OSBP2: variants seen among roughly 807,000 people sequenced by gnomAD.
The protein encoded by OSBP2 is oxysterol-binding protein 2.
A neutral mutation model predicts 96.0 loss-of-function variants in OSBP2; 66 were observed. The observed-to-expected ratio is 0.69, with a 90% CI of 0.56 to 0.84. The LOEUF (loss-of-function observed/expected upper bound fraction) is 0.84, where lower values mean the gene tolerates loss of function less well. Ranked by LOEUF, OSBP2 falls within the 40% of genes least tolerant of loss-of-function variation. OSBP2 has a pLI of 0.00. For missense variants in OSBP2, 1,038 were observed against 1,222.7 expected (o/e 0.85, Z 2.25); for synonymous variants, 525 against 520.9 (o/e 1.01, Z -0.11).
rs1482683922 is a variant in OSBP2 at position 30,889,536 on chromosome 22, A to G, written c.1523A>G (p.Lys508Arg). The stretch of plus-strand genomic sequence containing the variant: ...GTGCCCAAGGGTTCATCCAAAGTCA[A>G]GAGGCGAGTCCGCATTCCCAACAAG... ...SLVPKGSSKV[K>R]RRVRIPNKPN... is the part of the protein sequence containing the mutation. The change falls in exon 7 of 14, where the codon AAG becomes AGG. Residue 508 changes from lysine (K) to arginine (R), a missense_variant. Lys to Arg is a conservative substitution (Grantham distance 26, BLOSUM62 2). Transcript: ENST00000332585. 1.9e-6 allele frequency: 3 copies of G among 1,613,974 alleles called. No individual in the cohort carries two copies. The Admixed American group carries it at 5.0e-5, about 27-fold the overall frequency.
chr22:30,871,786 C>T lies in OSBP2; in HGVS notation c.1107+1104C>T. On this transcript the variant is annotated intron_variant, in intron 3 of 13. Transcript: ENST00000332585. This position sits in a 1 kb window ranked among gnomAD's most constrained non-coding sequence, Gnocchi z 4.7. ...ATAGAGGCTGGAGCTCACCGCAGGC[C>T]AAGAGCCCAGGCTAAAACCTGGGCA... 6.6e-6 allele frequency among the ~76,000 whole-genome samples: 1 copy of T among 152,334 alleles called. No individual in the cohort carries two copies. Among genetic ancestry groups the T allele is most frequent in the Middle Eastern group, 3.4e-3 (1 of 294 alleles).
At chr22:30,835,875 A>G (rs569269194) in intron 2 of OSBP2, among the ~76,000 whole-genome samples, 1 of 151,874 alleles carries the variant, frequency 6.6e-6, no homozygotes, top group East Asian at 1.9e-4. Flanking sequence ...GTGCCACCAC[A>G]CCTGGCTAAA....
chr22:30,752,486 G>C (rs992666898), intron 2 of OSBP2, among the ~76,000 whole-genome samples: 1 of 151,634 alleles, frequency 6.6e-6, no homozygotes, highest in African/African-American at 2.4e-5. Context: ...TTTTAGTAGA[G>C]ACAAGGTGTT....
At chr22:30,741,418 C>A in intron 2 of OSBP2, 49 bp downstream of exon 2, 1 of 1,477,792 alleles carries the variant, frequency 6.8e-7, no homozygotes, top group South Asian at 1.2e-5. Context: ...TGTCATGAGT[C>A]TGGAGGAAGT....
chr22:30,739,399 C>T (rs937482236), intron 1 of OSBP2, among the ~76,000 whole-genome samples: 3 of 152,222 alleles, frequency 2.0e-5, no homozygotes, highest in Non-Finnish European at 2.9e-5. Flanking sequence ...GATGCCTCTA[C>T]GTCTGCCCCC....
chr22:30,693,980 A>AT, upstream of OSBP2: 4 of 1,324,990 alleles, frequency 3.0e-6, no homozygotes, highest in Non-Finnish European at 4.2e-6. Context: ...GGAAAAAAAA[A>AT]AAAAGCGGAA....
chr22:30,861,650 AGAG>A, intron 2 of OSBP2, among the ~76,000 whole-genome samples: 1 of 152,260 alleles, frequency 6.6e-6, no homozygotes, highest in South Asian at 2.1e-4. Flanking sequence ...TGCCTCTTGT[AGAG>A]GAGTGGCGTC....
chr22:30,769,913 C>T (rs913336326), intron 2 of OSBP2, among the ~76,000 whole-genome samples: 1 of 152,028 alleles, frequency 6.6e-6, no homozygotes, highest in East Asian at 1.9e-4. Context: ...ATAATTGCCA[C>T]GTGTTGAGGG....
intron 1 of OSBP2, among the ~76,000 whole-genome samples, chr22:30,717,680 G>T (rs990007548): frequency 6.6e-6 from 1 of 152,336 alleles, no homozygotes; most frequent in African/African-American, 2.4e-5. Flanking sequence ...AAGATTGCTG[G>T]TTGAGACTCT....
intron 2 of OSBP2, among the ~76,000 whole-genome samples, chr22:30,851,822 G>A (rs770206849): frequency 3.3e-5 from 5 of 152,068 alleles, no homozygotes; most frequent in Non-Finnish European, 5.9e-5. Context: ...TAATGGTGAG[G>A]AAGTTCCTCC....
chr22:30,822,139 T>G (rs923484003), intron 2 of OSBP2, among the ~76,000 whole-genome samples: 2 of 152,184 alleles, frequency 1.3e-5, no homozygotes, highest in Non-Finnish European at 2.9e-5. Flanking sequence ...GTCTCAGAGG[T>G]GACCCCGATT....
intron 3 of OSBP2, among the ~76,000 whole-genome samples, chr22:30,877,945 T>G (rs930012523): frequency 6.6e-6 from 1 of 152,216 alleles, no homozygotes; most frequent in African/African-American, 2.4e-5. Flanking sequence ...CTGTGGGAGC[T>G]GTAACCACAT....
intron 2 of OSBP2, among the ~76,000 whole-genome samples, chr22:30,803,447 G>A (rs1209708960): frequency 6.6e-6 from 1 of 152,190 alleles, no homozygotes; most frequent in Non-Finnish European, 1.5e-5. Context: ...CTTGGGTGCA[G>A]CCCACAACAA....
chr22:30,745,648 CAG>C (rs1232161995), intron 2 of OSBP2, among the ~76,000 whole-genome samples: 2 of 108,724 alleles, frequency 1.8e-5, no homozygotes, highest in Admixed American at 2.8e-4. Context: ...GCCTGGGCAA[CAG>C]AGTGAGACTC....
At chr22:30,714,059 C>T (rs190300426) in intron 1 of OSBP2, among the ~76,000 whole-genome samples, 40 of 152,144 alleles carry the variant, frequency 2.6e-4, no homozygotes, top group Non-Finnish European at 4.7e-4. Flanking sequence ...CCTTCTCCCC[C>T]ACTTCCCTCT....
chr22:30,903,731 C>T (rs755721344), intron 12 of OSBP2, among the ~76,000 whole-genome samples: 15 of 152,214 alleles, frequency 9.9e-5, no homozygotes, highest in Admixed American at 3.3e-4. Flanking sequence ...CTGACTGCAG[C>T]GCTGACACGG....
At chr22:30,880,177 C>T (rs752392175) in intron 3 of OSBP2, among the ~76,000 whole-genome samples, 3 of 152,298 alleles carry the variant, frequency 2.0e-5, no homozygotes, top group Non-Finnish European at 2.9e-5. Context: ...GCGATCTCAC[C>T]GCTCATCACC....
intron 1 of OSBP2, among the ~76,000 whole-genome samples, chr22:30,723,527 C>T (rs1484873891): frequency 1.3e-5 from 2 of 152,074 alleles, no homozygotes; most frequent in African/African-American, 2.4e-5. Flanking sequence ...GATTCTCCTG[C>T]CTCAGCCTCC....
intron 1 of OSBP2, among the ~76,000 whole-genome samples, chr22:30,703,779 C>G (rs2089201590): frequency 6.6e-6 from 1 of 152,116 alleles, no homozygotes; most frequent in Non-Finnish European, 1.5e-5. Flanking sequence ...CCTGGCCTGG[C>G]CTTATAGCTT....
Sources: gnomAD v4.1 joint callset for allele counts (sites outside exome capture counted in the v4.1 genomes callset) on GRCh38, gnomAD v4.1.1 for gene constraint, Gnocchi (gnomAD v3.1) non-coding constraint, MANE v1.5 for transcripts, NCBI Gene and HGNC (gene_info 2026-07-23, HGNC 2026-07-21) for gene names.